SV2C: variants seen among roughly 807,000 people sequenced by gnomAD.
SV2C encodes synaptic vesicle glycoprotein 2C.
Under a neutral mutation model 79.7 loss-of-function variants are expected in SV2C, and 49 were observed. The observed-to-expected ratio is 0.61, with a 90% confidence interval of 0.49 to 0.78. The LOEUF (loss-of-function observed/expected upper bound fraction) is 0.78. SV2C is among the 30% of genes least tolerant of loss of function. SV2C has a pLI of 0.00. For synonymous variants in SV2C, 334 were observed against 333.2 expected (o/e 1.00, Z -0.03); for missense variants, 833 against 912.9 (o/e 0.91, Z 1.13).
At chr5:76,299,071 T>C in intron 10 of SV2C, 144 bp downstream of exon 10, 1 of 1,080,028 alleles carries the variant, frequency 9.3e-7, no homozygotes, top group Non-Finnish European at 1.2e-6. Flanking sequence ...TCAGGTTGGA[T>C]CAAAGGTTGG....
chr5:76,321,231 T>TCAAA (rs1026232113), intron 12 of SV2C, among the ~76,000 whole-genome samples: 1 of 151,706 alleles, frequency 6.6e-6, no homozygotes, highest in African/African-American at 2.4e-5. Flanking sequence ...AATTTACAAA[T>TCAAA]CAAACAAAGA....
chr5:76,221,445 CT>C (rs1161939243), intron 4 of SV2C, among the ~76,000 whole-genome samples: 1 of 152,178 alleles, frequency 6.6e-6, no homozygotes, highest in African/African-American at 2.4e-5. Context: ...TGGGGAGTCG[CT>C]GTCTTTGCAA....
At chr5:76,185,721 C>G (rs993577234) in intron 2 of SV2C, among the ~76,000 whole-genome samples, 6 of 152,236 alleles carry the variant, frequency 3.9e-5, no homozygotes, top group Admixed American at 1.3e-4. Context: ...ATTTTTCCCT[C>G]CTAGGCCTCC....
At chr5:76,341,350 C>G (rs1749437466) in intron 12 of SV2C, among the ~76,000 whole-genome samples, 1 of 151,908 alleles carries the variant, frequency 6.6e-6, no homozygotes, top group Admixed American at 6.6e-5. Flanking sequence ...CCAGCCTGAA[C>G]AGCATCCATC....
intron 4 of SV2C, among the ~76,000 whole-genome samples, chr5:76,278,700 C>T (rs1173842645): frequency 2.6e-5 from 4 of 152,184 alleles, no homozygotes; most frequent in African/African-American, 9.7e-5. Context: ...AGTTAGAGGA[C>T]CAGCAGAAGA....
chr5:76,022,998 C>T, the SV2C span, among the ~76,000 whole-genome samples: 1 of 152,190 alleles, frequency 6.6e-6, no homozygotes, highest in Non-Finnish European at 1.5e-5. Flanking sequence ...TTCGTTGTGG[C>T]AGCGGTGGTT....
At chr5:75,851,850 A>T in the SV2C span, among the ~76,000 whole-genome samples, 1 of 152,284 alleles carries the variant, frequency 6.6e-6, no homozygotes, top group South Asian at 2.1e-4. Context: ...TTTTTAGTAG[A>T]GACAGGGTTT....
At chr5:75,926,747 C>T in the SV2C span, among the ~76,000 whole-genome samples, 1 of 152,156 alleles carries the variant, frequency 6.6e-6, no homozygotes, top group South Asian at 2.1e-4. Context: ...GTATGCACAG[C>T]CACACAAAGA....
At chr5:75,908,434 A>G in the SV2C span, among the ~76,000 whole-genome samples, 3 of 152,146 alleles carry the variant, frequency 2.0e-5, no homozygotes, top group Non-Finnish European at 4.4e-5. Flanking sequence ...CATTATAGAG[A>G]TGTGCCAAAT....
the SV2C span, among the ~76,000 whole-genome samples, chr5:75,883,180 G>C: frequency 3.7e-5 from 5 of 134,104 alleles, no homozygotes; most frequent in South Asian, 2.5e-4. Context: ...TCATTAAAAA[G>C]TCAGGAAACA....
At chr5:76,215,832 G>A (rs1354510356) in intron 4 of SV2C, among the ~76,000 whole-genome samples, 2 of 152,040 alleles carry the variant, frequency 1.3e-5, no homozygotes, top group Non-Finnish European at 2.9e-5. Flanking sequence ...CATTGCAAGT[G>A]TATTTCAAAT....
At chr5:76,106,178 T>C (rs562543565) in intron 1 of SV2C, among the ~76,000 whole-genome samples, 1 of 152,214 alleles carries the variant, frequency 6.6e-6, no homozygotes, top group Non-Finnish European at 1.5e-5. Context: ...AGAAAATACA[T>C]CCTTTCCCTT....
intron 4 of SV2C, among the ~76,000 whole-genome samples, chr5:76,243,236 A>C (rs1200960586): frequency 6.6e-6 from 1 of 152,276 alleles, no homozygotes; most frequent in East Asian, 1.9e-4. Flanking sequence ...AATCAAAAAA[A>C]ATGTATGTTT....
At chr5:76,147,285 C>T (rs1320532072) in intron 2 of SV2C, among the ~76,000 whole-genome samples, 1 of 149,988 alleles carries the variant, frequency 6.7e-6, no homozygotes, top group Non-Finnish European at 1.5e-5. Flanking sequence ...AGTGGGTGCT[C>T]CTAGTCACAC....
the SV2C span, among the ~76,000 whole-genome samples, chr5:75,906,420 G>T: frequency 6.7e-6 from 1 of 149,214 alleles, no homozygotes; most frequent in East Asian, 1.9e-4. Flanking sequence ...TGGGCAGGAG[G>T]TTTTCATGTC....
the SV2C span, among the ~76,000 whole-genome samples, chr5:76,008,880 A>G: frequency 6.6e-6 from 1 of 151,992 alleles, no homozygotes; most frequent in Non-Finnish European, 1.5e-5. Flanking sequence ...TCACCAATAC[A>G]ACCTTCTGGC....
At chr5:76,127,198 G>C (rs1748733501) in intron 1 of SV2C, among the ~76,000 whole-genome samples, 1 of 152,208 alleles carries the variant, frequency 6.6e-6, no homozygotes, top group South Asian at 2.1e-4. Flanking sequence ...TGTTTGGGCG[G>C]TGTGGGGAAA....
intron 1 of SV2C, chr5:76,084,034 T>C (rs1349122288): frequency 1.3e-5 from 2 of 152,312 alleles, no homozygotes; most frequent in Non-Finnish European, 2.9e-5. Flanking sequence ...CCGCAGTAAG[T>C]GCTGAGAGAG....
the SV2C span, chr5:75,911,632 A>G: frequency 2.9e-6 from 2 of 701,456 alleles, no homozygotes; most frequent in Non-Finnish European, 5.4e-6. Context: ...AAATGAAAAC[A>G]TCCACAATCA....
Sources: gnomAD v4.1 joint callset for allele counts (sites outside exome capture counted in the v4.1 genomes callset) on GRCh38, gnomAD v4.1.1 for gene constraint, MANE v1.5 for transcripts, NCBI Gene and HGNC (gene_info 2026-07-23, HGNC 2026-07-21) for gene names.